The following MARK3 variants were observed in gnomAD, a reference collection of about 807,000 sequenced individuals.
The protein encoded by MARK3 is MAP/microtubule affinity-regulating kinase 3.
In MARK3, 46 loss-of-function variants were observed where a neutral mutation model predicts 90.1. The observed-to-expected ratio is 0.51, with a 90% CI of 0.40 to 0.65. The LOEUF (loss-of-function observed/expected upper bound fraction) is 0.65. Among genes scored for constraint, MARK3 ranks in the 30% least tolerant of loss-of-function variants. The pLI is 0.00. For missense variants in MARK3, 818 were observed against 947.2 expected (o/e 0.86, Z 1.79); for synonymous variants, 321 against 332.6 (o/e 0.97, Z 0.38).
At chr14:103,419,974 C>T (rs980229967) in intron 2 of MARK3, among the ~76,000 whole-genome samples, 2 of 142,970 alleles carry the variant, frequency 1.4e-5, no homozygotes, top group Admixed American at 7.2e-5. Flanking sequence ...GGGAACATAG[C>T]GAGATCCTGT....
chr14:103,393,263 A>G (rs1304809232), intron 1 of MARK3, among the ~76,000 whole-genome samples: 1 of 152,166 alleles, frequency 6.6e-6, no homozygotes, highest in African/African-American at 2.4e-5. Context: ...CTGGAATTAC[A>G]GGCGTGAGCC....
At chr14:103,495,914 C>CTAAA (rs940519460) in intron 15 of MARK3, among the ~76,000 whole-genome samples, 16 of 152,236 alleles carry the variant, frequency 1.1e-4, no homozygotes, top group African/African-American at 3.9e-4. Context: ...GGTGTTTGCA[C>CTAAA]TTAGATGCTG....
chr14:103,491,627 TAACTTAC>T (rs2094017635), intron 14 of MARK3, 143 bp from the exon 15 acceptor site: 1 of 717,502 alleles, frequency 1.4e-6, no homozygotes. Flanking sequence ...CTTTCCCACT[TAACTTAC>T]CTTTTGCTCC....
chr14:103,462,158 GT>G (rs1362384551), intron 6 of MARK3, among the ~76,000 whole-genome samples: 1 of 152,050 alleles, frequency 6.6e-6, no homozygotes, highest in African/African-American at 2.4e-5. Context: ...AACGGATAGG[GT>G]CCAAAAAGAG....
intron 17 of MARK3, among the ~76,000 whole-genome samples, chr14:103,501,899 C>T (rs947379019): frequency 9.9e-5 from 15 of 152,174 alleles, no homozygotes; most frequent in African/African-American, 3.1e-4. Flanking sequence ...GTTGGTGACA[C>T]GGAGAGCTAT....
chr14:103,442,669 A>G (rs2092888240), intron 3 of MARK3, among the ~76,000 whole-genome samples: 1 of 152,242 alleles, frequency 6.6e-6, no homozygotes, highest in Non-Finnish European at 1.5e-5. Context: ...AATTGCAAAC[A>G]AAAATTACAG....
intron 17 of MARK3, among the ~76,000 whole-genome samples, chr14:103,501,171 C>T (rs1331964325): frequency 1.3e-5 from 2 of 152,224 alleles, no homozygotes; most frequent in Non-Finnish European, 2.9e-5. Flanking sequence ...CACCTGGCCA[C>T]GTCCCTGCGA....
rs34768749 is a variant in MARK3 at position 103,479,628 on chromosome 14, C to CTTTTT, written c.1483-742_1483-738dup. Among the ~76,000 whole-genome samples the CTTTTT allele has an allele frequency of 9.2e-3, 717 of 78,226 alleles. 38 individuals are homozygous for CTTTTT. The highest frequency in any genetic ancestry group is 0.011 in the African/African-American group (205 of 18,962). 51.3% of individuals were successfully genotyped at this position (78,226 alleles called of 152,430 possible). A position where few individuals can be genotyped will look rare whatever the true frequency, so the allele number is the denominator to read the frequency against. On this transcript the variant is annotated intron_variant, in intron 13 of 17. Transcript: ENST00000429436. ...ATGTGTTTCTTGGCCATACGTATAG[C>CTTTTT]TTTTTTTTTTTTTTTTTTTTTGAGA...
intron 13 of MARK3, among the ~76,000 whole-genome samples, chr14:103,480,054 G>C (rs890142251): frequency 2.0e-5 from 3 of 152,130 alleles, no homozygotes; most frequent in African/African-American, 7.2e-5. Flanking sequence ...CCAGGAGGGG[G>C]AGGTTGCAGT....
At chr14:103,433,956 T>C (rs1270075048) in intron 3 of MARK3, among the ~76,000 whole-genome samples, 2 of 152,140 alleles carry the variant, frequency 1.3e-5, no homozygotes, top group Non-Finnish European at 2.9e-5. Flanking sequence ...ACCTAGGATA[T>C]CCCTGCTGTT....
intron 5 of MARK3, among the ~76,000 whole-genome samples, chr14:103,455,773 A>G (rs1452423965): frequency 6.6e-6 from 1 of 152,030 alleles, no homozygotes; most frequent in East Asian, 1.9e-4. Flanking sequence ...TAACATGAAA[A>G]TATTTGTGCC....
At chr14:103,445,221 C>T (rs190052424) in intron 3 of MARK3, among the ~76,000 whole-genome samples, 11 of 152,208 alleles carry the variant, frequency 7.2e-5, no homozygotes, top group Admixed American at 4.6e-4. Context: ...CTGTCTCAGT[C>T]GTCTGTCTCT....
chr14:103,393,328 A>G (rs1029226971), intron 1 of MARK3, among the ~76,000 whole-genome samples: 4 of 152,136 alleles, frequency 2.6e-5, no homozygotes, highest in Admixed American at 1.3e-4. Flanking sequence ...TGTTGAATCA[A>G]GCTGTTTGGG....
At chr14:103,447,737 G>T (rs1012575819) in intron 3 of MARK3, among the ~76,000 whole-genome samples, 22 of 152,004 alleles carry the variant, frequency 1.4e-4, no homozygotes, top group Non-Finnish European at 5.9e-5. Flanking sequence ...TTATTCTGTG[G>T]AATGGCTAGG....
chr14:103,474,916 T>TA, intron 12 of MARK3, 77 bp from the exon 13 acceptor site: 1 of 1,181,924 alleles, frequency 8.5e-7, no homozygotes, highest in South Asian at 1.4e-5. Context: ...TAGATCATCT[T>TA]ACAAAATATG....
intron 3 of MARK3, among the ~76,000 whole-genome samples, chr14:103,431,119 G>A (rs552105720): frequency 1.3e-5 from 2 of 152,054 alleles, no homozygotes; most frequent in Admixed American, 6.5e-5. Context: ...ATGGAGTCTC[G>A]CTCTGTTGCC....
At chr14:103,394,055 A>T (rs902454890) in intron 1 of MARK3, among the ~76,000 whole-genome samples, 1 of 152,200 alleles carries the variant, frequency 6.6e-6, no homozygotes, top group African/African-American at 2.4e-5. Flanking sequence ...ATTCTAAGAT[A>T]TAGCCAAATT....
chr14:103,468,308 TTTC>T, intron 12 of MARK3, 122 bp downstream of exon 12: 8 of 380,276 alleles, frequency 2.1e-5, no homozygotes, highest in East Asian at 4.7e-5. Context: ...GCTTTCTTTC[TTTC>T]TTCTTTTTTT....
chr14:103,435,590 A>G (rs1434644785), intron 3 of MARK3, among the ~76,000 whole-genome samples: 4 of 151,598 alleles, frequency 2.6e-5, no homozygotes, highest in Non-Finnish European at 4.4e-5. Flanking sequence ...TTGTATTTTT[A>G]GTAGAGATGG....
Sources: allele counts gnomAD v4.1 joint callset (sites outside exome capture counted in the v4.1 genomes callset), GRCh38; gene constraint gnomAD v4.1.1; transcripts MANE v1.5; gene names NCBI Gene and HGNC (gene_info 2026-07-23, HGNC 2026-07-21).